Variants in VTI1A observed in about 807,000 individuals in gnomAD.
The protein encoded by VTI1A is vesicle transport through interaction with t-SNAREs 1A, also known as vesicle transport through interaction with t-SNAREs homolog 1A.
VTI1A carries 22 observed loss-of-function variants against 34.9 expected under a neutral mutation model. The ratio of observed to expected loss-of-function variants is 0.63; its 90% CI spans 0.45 to 0.90. VTI1A has a LOEUF of 0.90. Among genes scored for constraint, VTI1A ranks in the 40% least tolerant of loss-of-function variants. The pLI, the probability that VTI1A is intolerant of heterozygous loss-of-function variation, is 0.00. For synonymous variants in VTI1A, 87 were observed against 97.3 expected, an observed-to-expected ratio of 0.89 and a Z score of 0.62; for missense variants, 268 against 275.6, an observed-to-expected ratio of 0.97 and a Z score of 0.20.
At chr10:112,605,497 T>C (rs1453889658) in intron 5 of VTI1A, among the ~76,000 whole-genome samples, 1 of 152,152 alleles carries the variant, frequency 6.6e-6, no homozygotes, top group Non-Finnish European at 1.5e-5. Flanking sequence ...CTGCTTTCAA[T>C]TCCATGGATT....
chr10:112,783,142 G>C (rs1852184906), intron 7 of VTI1A, among the ~76,000 whole-genome samples: 1 of 152,096 alleles, frequency 6.6e-6, no homozygotes, highest in African/African-American at 2.4e-5. Flanking sequence ...TTGAATGAAA[G>C]GTGTGTAATC....
chr10:112,770,481 C>T (rs889386951), intron 7 of VTI1A, among the ~76,000 whole-genome samples: 2 of 151,498 alleles, frequency 1.3e-5, no homozygotes, highest in Admixed American at 1.3e-4. Flanking sequence ...CTGCAAGCTC[C>T]GCCTCCCAGG....
chr10:112,459,040 G>C (rs572160456), intron 1 of VTI1A, among the ~76,000 whole-genome samples: 1 of 152,146 alleles, frequency 6.6e-6, no homozygotes, highest in South Asian at 2.1e-4. Flanking sequence ...CAGCTGGTAG[G>C]TGTTGTACCC....
chr10:112,668,855 A>C (rs111454312), intron 6 of VTI1A, 82 bp from the exon 7 acceptor site: 1 of 1,398,058 alleles, frequency 7.2e-7, no homozygotes, highest in African/African-American at 1.4e-5. Flanking sequence ...ATTTTCTATC[A>C]TGAAATAAAT....
the VTI1A span, among the ~76,000 whole-genome samples, chr10:112,830,381 A>G: frequency 9.3e-5 from 14 of 150,832 alleles, no homozygotes; most frequent in Admixed American, 9.3e-4. Context: ...TTCTCCCCTC[A>G]GAGCCTCTGC....
chr10:112,520,768 G>A (rs1343453719), intron 3 of VTI1A, among the ~76,000 whole-genome samples: 1 of 151,158 alleles, frequency 6.6e-6, no homozygotes, highest in African/African-American at 2.4e-5. Context: ...TTATCTTATT[G>A]TTTATAGCCA....
downstream of VTI1A, among the ~76,000 whole-genome samples, chr10:112,821,650 A>T (rs549110385): frequency 6.6e-6 from 1 of 152,266 alleles, no homozygotes; most frequent in African/African-American, 2.4e-5. Flanking sequence ...ATCCTGTACC[A>T]CATTTTCGCG....
intron 7 of VTI1A, among the ~76,000 whole-genome samples, chr10:112,810,569 T>A (rs1222937465): frequency 6.6e-6 from 1 of 152,102 alleles, no homozygotes. Flanking sequence ...ACTGTCCAGG[T>A]GACCCCGCAT....
chr10:112,668,086 G>T, intron 5 of VTI1A, 132 bp from the exon 6 acceptor site: 1 of 630,958 alleles, frequency 1.6e-6, no homozygotes, highest in Non-Finnish European at 2.8e-6. Context: ...TCAAATACAT[G>T]AATTGAAATA....
At chr10:112,697,457 C>T (rs1268649885) in intron 7 of VTI1A, among the ~76,000 whole-genome samples, 4 of 146,576 alleles carry the variant, frequency 2.7e-5, no homozygotes, top group African/African-American at 1.0e-4. Flanking sequence ...AGTACAATGG[C>T]GCTATCTCAG....
In VTI1A at chr10:112,603,338, T is replaced by A. The variant is rs182350962; in HGVS notation, c.428-64880T>A. Among the ~76,000 whole-genome samples, 4 of 152,326 alleles carry A rather than the reference T, an allele frequency of 2.6e-5. No homozygotes were observed. In the East Asian group the frequency reaches 7.7e-4, roughly 29 times the overall value. ...TTGTCCCATAGAAGTCTTTTGATCCTGAGGGTGTGGGGCTGCCCTTGACCA... is the reference window on the plus strand; with the variant it reads ...TTGTCCCATAGAAGTCTTTTGATCCAGAGGGTGTGGGGCTGCCCTTGACCA... On this transcript the variant is annotated intron_variant, in intron 5 of 7. Coordinates refer to ENST00000393077, the MANE Select transcript of VTI1A (RefSeq NM_145206.4).
chr10:112,505,878 A>G (rs1250754347), intron 3 of VTI1A, among the ~76,000 whole-genome samples: 2 of 151,940 alleles, frequency 1.3e-5, no homozygotes, highest in Admixed American at 1.3e-4. Flanking sequence ...GTTCTATCTT[A>G]TTTATTAAAA....
intron 7 of VTI1A, among the ~76,000 whole-genome samples, chr10:112,673,913 A>T (rs906737169): frequency 1.3e-5 from 2 of 150,890 alleles, no homozygotes; most frequent in Non-Finnish European, 3.0e-5. Context: ...TGCCATGGCT[A>T]GATGTTTAAG....
chr10:112,547,531 T>C (rs1475320070), intron 5 of VTI1A, among the ~76,000 whole-genome samples: 1 of 152,064 alleles, frequency 6.6e-6, no homozygotes, highest in East Asian at 1.9e-4. Context: ...TGAGCCAAGA[T>C]TGTGCCACTG....
intron 4 of VTI1A, among the ~76,000 whole-genome samples, chr10:112,527,984 C>T (rs1037883033): frequency 1.3e-5 from 2 of 151,796 alleles, no homozygotes; most frequent in Non-Finnish European, 2.9e-5. Context: ...TTAAAAATGC[C>T]TCAAAAAAGC....
At chr10:112,619,227 T>C (rs1845638596) in intron 5 of VTI1A, among the ~76,000 whole-genome samples, 1 of 152,116 alleles carries the variant, frequency 6.6e-6, no homozygotes, top group South Asian at 2.1e-4. Flanking sequence ...TCCATTGCAT[T>C]TGGAAAACAG....
chr10:112,653,183 A>G (rs1303950976), intron 5 of VTI1A, among the ~76,000 whole-genome samples: 2 of 152,112 alleles, frequency 1.3e-5, no homozygotes, highest in Non-Finnish European at 2.9e-5. Flanking sequence ...TGGAGAGGAT[A>G]TTTTCTGTCC....
At chr10:112,772,525 AAC>A (rs1185105099) in intron 7 of VTI1A, among the ~76,000 whole-genome samples, 1 of 152,214 alleles carries the variant, frequency 6.6e-6, no homozygotes, top group Non-Finnish European at 1.5e-5. Context: ...TGTCCTTTGA[AAC>A]ACAAAAGTTT....
At chr10:112,564,376 G>C (rs1051880243) in intron 5 of VTI1A, among the ~76,000 whole-genome samples, 4 of 151,726 alleles carry the variant, frequency 2.6e-5, no homozygotes, top group Non-Finnish European at 5.9e-5. Context: ...TGTCTTCACT[G>C]TGAGTTTAGT....
Sources: gnomAD v4.1 joint callset for allele counts (sites outside exome capture counted in the v4.1 genomes callset) on GRCh38, gnomAD v4.1.1 for gene constraint, MANE v1.5 for transcripts, NCBI Gene and HGNC (gene_info 2026-07-23, HGNC 2026-07-21) for gene names.